ARL15: variants seen among roughly 807,000 people sequenced by gnomAD.
ARL15 encodes the protein ADP-ribosylation factor-like protein 15.
ARL15 carries 19 observed loss-of-function variants against 25.2 expected under a neutral mutation model. The observed-to-expected ratio is 0.75, with a 90% CI of 0.53 to 1.10. The LOEUF is 1.10. ARL15 is among the 50% of genes least tolerant of loss of function. The pLI is 0.00. For missense variants in ARL15, 220 were observed against 246.0 expected (o/e 0.89, Z 0.71); for synonymous variants, 94 against 86.8 (o/e 1.08, Z -0.46).
intron 4 of ARL15, among the ~76,000 whole-genome samples, chr5:53,913,651 T>C (rs751544959): frequency 1.5e-4 from 23 of 152,202 alleles, no homozygotes; most frequent in Non-Finnish European, 2.9e-4. Context: ...ACAAGGTTCA[T>C]TGTGAGGCTC....
intron 2 of ARL15, 92 bp downstream of exon 2, chr5:54,171,691 CT>C: frequency 7.3e-7 from 1 of 1,372,750 alleles, no homozygotes; most frequent in Non-Finnish European, 9.7e-7. Flanking sequence ...AAGCATTAAA[CT>C]ATAAGTAGAA....
intron 4 of ARL15, among the ~76,000 whole-genome samples, chr5:54,001,565 T>C (rs533438224): frequency 6.6e-6 from 1 of 152,348 alleles, no homozygotes; most frequent in Non-Finnish European, 1.5e-5. Context: ...TTCATACTAA[T>C]ACAACAATGA....
intron 4 of ARL15, among the ~76,000 whole-genome samples, chr5:54,012,078 T>C (rs926271769): frequency 3.3e-5 from 5 of 152,186 alleles, no homozygotes; most frequent in Non-Finnish European, 7.4e-5. Flanking sequence ...TTTCTAGCGA[T>C]ACCTAACAAA....
chr5:54,276,855 T>G lies in ARL15; in HGVS notation c.48+33577A>C, dbSNP rs370546661. ...GGGGCCATGAGCTGAGGAATACAGA[T>G]AGCTGCTAGAAGCACAAAGGGGCAA... On this transcript the variant is annotated intron_variant, in intron 1 of 4. Coordinates refer to ENST00000504924, the MANE Select transcript of ARL15 (RefSeq NM_019087.3). Among the ~76,000 whole-genome samples, 18 of 152,276 alleles carry G rather than the reference T, an allele frequency of 1.2e-4. No homozygotes were observed. The East Asian group carries it at 3.5e-3, about 29-fold the overall frequency.
At chr5:54,137,936 G>A (rs1753655756) in intron 3 of ARL15, among the ~76,000 whole-genome samples, 1 of 151,788 alleles carries the variant, frequency 6.6e-6, no homozygotes, top group African/African-American at 2.4e-5. Context: ...AACATGCAGT[G>A]ACTAATCACT....
At chr5:53,896,045 T>A (rs1461017414) in intron 4 of ARL15, among the ~76,000 whole-genome samples, 2 of 152,202 alleles carry the variant, frequency 1.3e-5, no homozygotes, top group Non-Finnish European at 2.9e-5. Flanking sequence ...TTTTTAATGT[T>A]TTTTTTGAGA....
chr5:54,111,106 A>C lies in ARL15; in HGVS notation c.462+2096T>G, dbSNP rs182348594. Among the ~76,000 whole-genome samples, 5 of 152,216 alleles carry C rather than the reference A, an allele frequency of 3.3e-5. No homozygotes were observed. The East Asian group carries it at 9.6e-4, about 29-fold the overall frequency. ...CATTAAAGCAGTCTAAAGTGTAGAC[A>C]TGCACCTGTATGGTATATGTTTATT... On this transcript the variant is annotated intron_variant, in intron 4 of 4. Coordinates refer to ENST00000504924, the MANE Select transcript of ARL15 (RefSeq NM_019087.3).
chr5:54,297,242 G>T (rs1016779044), intron 1 of ARL15, among the ~76,000 whole-genome samples: 6 of 152,218 alleles, frequency 3.9e-5, no homozygotes, highest in Non-Finnish European at 8.8e-5. Flanking sequence ...TTGCTGTCTG[G>T]ATCTATCACT....
chr5:54,202,249 C>T (rs1341164571), intron 1 of ARL15, among the ~76,000 whole-genome samples: 1 of 152,130 alleles, frequency 6.6e-6, no homozygotes, highest in Non-Finnish European at 1.5e-5. Flanking sequence ...ATATCCATAT[C>T]CTAACCCCTG....
intron 1 of ARL15, among the ~76,000 whole-genome samples, chr5:54,245,359 A>T (rs1237159288): frequency 2.0e-5 from 3 of 152,202 alleles, no homozygotes; most frequent in African/African-American, 7.2e-5. Context: ...ACTTTTAAAA[A>T]CTTCTTTCAG....
intron 1 of ARL15, among the ~76,000 whole-genome samples, chr5:54,223,277 C>T (rs1579926511): frequency 2.6e-5 from 4 of 151,776 alleles, no homozygotes; most frequent in Middle Eastern, 3.4e-3. Context: ...ATGTCCAAAA[C>T]GGCTTGGTTA....
intron 3 of ARL15, among the ~76,000 whole-genome samples, chr5:54,129,697 T>C (rs561120232): frequency 1.3e-5 from 2 of 152,160 alleles, no homozygotes; most frequent in Non-Finnish European, 2.9e-5. Flanking sequence ...TTTGAACATA[T>C]AAATGTAACA....
At chr5:53,887,710 C>T (rs1744580734) in intron 4 of ARL15, among the ~76,000 whole-genome samples, 2 of 152,152 alleles carry the variant, frequency 1.3e-5, no homozygotes, top group African/African-American at 2.4e-5. Context: ...TCAAAAGAGA[C>T]ATTGCTCAAA....
At chr5:54,052,215 A>G (rs1481624691) in intron 4 of ARL15, among the ~76,000 whole-genome samples, 1 of 152,216 alleles carries the variant, frequency 6.6e-6, no homozygotes, top group Non-Finnish European at 1.5e-5. Context: ...GATGTAAGAC[A>G]TTAAGTATTT....
rs1554041369 is a variant in ARL15, at chr5:54,117,376, C to CACACAT, written c.254-3967_254-3966insATGTGT. 8.6e-4 allele frequency among the ~76,000 whole-genome samples: 127 copies of CACACAT among 147,014 alleles called. 4 individuals carry two copies. Among genetic ancestry groups the CACACAT allele is most frequent in the Admixed American group, 8.5e-3 (126 of 14,828 alleles). On this transcript the variant is annotated intron_variant, in intron 3 of 4. Coordinates refer to ENST00000504924, the MANE Select transcript of ARL15 (RefSeq NM_019087.3). ...CTGCAAATAGTGAGACACATACACA[C>CACACAT]ACACACACACACACACACACACACA...
chr5:54,206,367 T>C (rs72752163), intron 1 of ARL15, among the ~76,000 whole-genome samples: 21,074 of 152,154 alleles, frequency 0.14, 1,855 homozygotes, highest in Non-Finnish European at 0.21. Context: ...ACAGCCCTCA[T>C]TGAAGTTATA....
At chr5:54,298,423 T>A (rs35949) in intron 1 of ARL15, among the ~76,000 whole-genome samples, 143,743 of 152,226 alleles carry the variant, frequency 0.94, 68,320 homozygotes, top group Non-Finnish European at 1. Flanking sequence ...CAGCTTCTTC[T>A]ATCCTCCTCA....
chr5:54,104,298 A>G (rs976677627), intron 4 of ARL15, among the ~76,000 whole-genome samples: 12 of 152,072 alleles, frequency 7.9e-5, no homozygotes, highest in Non-Finnish European at 5.9e-5. Context: ...TTATTACTTA[A>G]TTTGCAATAA....
intron 2 of ARL15, 130 bp downstream of exon 2, chr5:54,171,654 G>A: frequency 6.4e-6 from 7 of 1,095,676 alleles, no homozygotes; most frequent in Non-Finnish European, 8.7e-6. Flanking sequence ...AAAAGAGATA[G>A]TGTTTAAAAT....
Sources: gnomAD v4.1 joint callset for allele counts (sites outside exome capture counted in the v4.1 genomes callset) on GRCh38, gnomAD v4.1.1 for gene constraint, MANE v1.5 for transcripts, NCBI Gene and HGNC (gene_info 2026-07-23, HGNC 2026-07-21) for gene names.